ULK4: variants seen among roughly 807,000 people sequenced by gnomAD.
The protein encoded by ULK4 is inactive serine/threonine-protein kinase ULK4.
Under a neutral mutation model 160.6 loss-of-function variants are expected in ULK4, and 133 were observed. That is an observed-to-expected ratio of 0.83 (90% CI 0.72 to 0.96). The LOEUF is 0.96. Among genes scored for constraint, ULK4 ranks in the 40% least tolerant of loss-of-function variants. The pLI is 0.00. For missense variants in ULK4, 1,580 were observed against 1,499.5 expected, an observed-to-expected ratio of 1.05 and a Z score of -0.89; for synonymous variants, 534 against 539.8, an observed-to-expected ratio of 0.99 and a Z score of 0.15.
chr3:41,250,602 TG>T (rs1441416580), intron 35 of ULK4, among the ~76,000 whole-genome samples: 1 of 152,212 alleles, frequency 6.6e-6, no homozygotes, highest in Admixed American at 6.5e-5. Context: ...GCTGGATTAT[TG>T]TCTCCTTAGT....
intron 35 of ULK4, among the ~76,000 whole-genome samples, chr3:41,285,960 G>A (rs2079449392): frequency 6.6e-6 from 1 of 152,190 alleles, no homozygotes; most frequent in African/African-American, 2.4e-5. Context: ...GCTATCACCA[G>A]GGAGGAAAAT....
intron 20 of ULK4, among the ~76,000 whole-genome samples, chr3:41,790,412 C>T (rs1272099639): frequency 6.6e-6 from 1 of 152,168 alleles, no homozygotes; most frequent in Non-Finnish European, 1.5e-5. Flanking sequence ...GACCCTAGAC[C>T]GTTCCTAAAT....
At chr3:41,702,620 CTAGATA>C (rs2036715500) in intron 27 of ULK4, among the ~76,000 whole-genome samples, 1 of 151,890 alleles carries the variant, frequency 6.6e-6, no homozygotes, top group African/African-American at 2.4e-5. Flanking sequence ...AAAAACATTA[CTAGATA>C]TAAAGAGGGC....
At chr3:41,799,261 G>T (rs1280078978) in intron 20 of ULK4, among the ~76,000 whole-genome samples, 8 of 151,796 alleles carry the variant, frequency 5.3e-5, no homozygotes, top group Admixed American at 5.3e-4. Context: ...TAGGAGAGAG[G>T]GTTATATTTG....
chr3:41,633,848 A>ACC (rs1406508504), intron 30 of ULK4, among the ~76,000 whole-genome samples: 1 of 152,142 alleles, frequency 6.6e-6, no homozygotes, highest in Admixed American at 6.5e-5. Flanking sequence ...TACCATGACC[A>ACC]CCACCCAGAG....
At chr3:41,873,719 A>C (rs1049994135) in intron 17 of ULK4, among the ~76,000 whole-genome samples, 18 of 151,848 alleles carry the variant, frequency 1.2e-4, no homozygotes, top group African/African-American at 4.4e-4. Context: ...ATGCCTAACT[A>C]ATTTTGTATT....
intron 32 of ULK4, among the ~76,000 whole-genome samples, chr3:41,499,340 C>A (rs914739055): frequency 2.0e-5 from 3 of 152,138 alleles, no homozygotes; most frequent in African/African-American, 7.2e-5. Context: ...CTTTTGAACT[C>A]CCCTGGGCAA....
At chr3:41,349,771 T>C (rs537618922) in intron 35 of ULK4, among the ~76,000 whole-genome samples, 1 of 152,296 alleles carries the variant, frequency 6.6e-6, no homozygotes, top group South Asian at 2.1e-4. Context: ...GCATGTAAGT[T>C]CCTCTTTGGA....
intron 32 of ULK4, among the ~76,000 whole-genome samples, chr3:41,496,060 T>G (rs2125912055): frequency 6.6e-6 from 1 of 152,150 alleles, no homozygotes; most frequent in Non-Finnish European, 1.5e-5. Flanking sequence ...TAAAGTAGTA[T>G]TTGTAAAACG....
intron 1 of ULK4, among the ~76,000 whole-genome samples, chr3:41,960,445 C>T (rs1261432042): frequency 1.3e-5 from 2 of 151,916 alleles, no homozygotes; most frequent in African/African-American, 2.4e-5. Context: ...TCACTGCAAC[C>T]TCCACCTCCA....
chr3:41,894,704 T>C (rs73087376), intron 16 of ULK4, among the ~76,000 whole-genome samples: 2 of 152,354 alleles, frequency 1.3e-5, no homozygotes, highest in African/African-American at 2.4e-5. Context: ...ATGAGGAAAC[T>C]GAGGCTCAGC....
intron 30 of ULK4, among the ~76,000 whole-genome samples, chr3:41,618,475 T>C (rs760949717): frequency 6.6e-6 from 1 of 152,214 alleles, no homozygotes; most frequent in Non-Finnish European, 1.5e-5. Context: ...ACATTCAACA[T>C]TCTTAAAGAA....
At chr3:41,339,447 G>C (rs2080635702) in intron 35 of ULK4, among the ~76,000 whole-genome samples, 1 of 152,250 alleles carries the variant, frequency 6.6e-6, no homozygotes, top group South Asian at 2.1e-4. Context: ...GTGGAATCAG[G>C]ATGAAGCCAC....
intron 2 of ULK4, among the ~76,000 whole-genome samples, chr3:41,947,298 G>A (rs546357237): frequency 1.8e-4 from 27 of 152,284 alleles, no homozygotes; most frequent in South Asian, 4.1e-4. Flanking sequence ...GCGACAGAGC[G>A]AGACAGGTAA....
At chr3:41,748,004 A>C (rs1388858863) in intron 22 of ULK4, among the ~76,000 whole-genome samples, 1 of 152,152 alleles carries the variant, frequency 6.6e-6, no homozygotes, top group Non-Finnish European at 1.5e-5. Context: ...AAATAAGTTT[A>C]TCCTAACATT....
In ULK4 at chr3:41,717,781, T is replaced by C. The variant is rs2037322521; in HGVS notation, c.2402A>G (p.Lys801Arg). 1 of 1,614,106 alleles carries C rather than the reference T, an allele frequency of 6.2e-7. No homozygotes were observed. The highest frequency in any genetic ancestry group is 2.2e-5 in the East Asian group (1 of 44,874). The change falls in exon 23 of 37, where the codon AAA (lysine) becomes AGA (arginine). Residue 801 changes from lysine (K) to arginine (R), a missense_variant. Physicochemically the swap from Lys to Arg is conservative, Grantham distance 26 (BLOSUM62 2). Transcript: ENST00000301831. ...GTGACAGATGAGAAGATCCAGGCAT[T>C]TGGACAGGTATTCATTGCCACTTTG... Reference protein sequence around the residue: ...EQQSGNEYLSKCLDLLICHIV... With the variant: ...EQQSGNEYLSRCLDLLICHIV...
intron 32 of ULK4, among the ~76,000 whole-genome samples, chr3:41,557,309 G>C (rs577701566): frequency 7.9e-5 from 12 of 151,242 alleles, no homozygotes; most frequent in Non-Finnish European, 1.8e-4. Flanking sequence ...GAGGGGAAAA[G>C]TAGCATCATA....
intron 31 of ULK4, among the ~76,000 whole-genome samples, chr3:41,585,623 A>G (rs986883674): frequency 6.6e-6 from 1 of 152,338 alleles, no homozygotes; most frequent in Middle Eastern, 3.4e-3. Flanking sequence ...GATTTCTGTT[A>G]TATGACACCA....
chr3:41,436,929 G>A (rs2083049660), intron 34 of ULK4, among the ~76,000 whole-genome samples: 1 of 152,146 alleles, frequency 6.6e-6, no homozygotes, highest in African/African-American at 2.4e-5. Context: ...TCATTTCATG[G>A]ATATAGCACA....
Sources: gnomAD v4.1 joint callset for allele counts (sites outside exome capture counted in the v4.1 genomes callset) on GRCh38, gnomAD v4.1.1 for gene constraint, MANE v1.5 for transcripts, NCBI Gene and HGNC (gene_info 2026-07-23, HGNC 2026-07-21) for gene names.